The following RAB35 variants were observed in gnomAD, a reference collection of about 807,000 sequenced individuals.
RAB35 encodes ras-related protein Rab-35.
In RAB35, 4 loss-of-function variants were observed where a neutral mutation model predicts 28.9. The ratio of observed to expected loss-of-function variants is 0.14; its 90% CI spans 0.07 to 0.32. The LOEUF (loss-of-function observed/expected upper bound fraction) is 0.32, where lower values mean the gene tolerates loss of function less well. RAB35 is among the 10% of genes least tolerant of loss of function. The pLI, the probability that RAB35 is intolerant of heterozygous loss-of-function variation, is 1.00. For missense variants in RAB35, 128 were observed against 274.0 expected (o/e 0.47, Z 3.76); for synonymous variants, 99 against 105.1 (o/e 0.94, Z 0.35).
chr12:120,096,250 A>C lies in RAB35; in HGVS notation c.*995T>G, dbSNP rs565307845. 3.3e-5 allele frequency: 15 copies of C among 453,112 alleles called. No homozygotes were observed. The highest frequency in any genetic ancestry group is 4.1e-5 in the African/African-American group (2 of 48,564). 28.1% of individuals were successfully genotyped at this position (453,112 alleles called of 1,614,324 possible). A position where few individuals can be genotyped will look rare whatever the true frequency, so the allele number is the denominator to read the frequency against. On this transcript the variant is annotated 3_prime_UTR_variant, in exon 6 of 6. Coordinates refer to ENST00000229340, the MANE Select transcript of RAB35 (RefSeq NM_006861.7). The stretch of plus-strand genomic sequence containing the variant: ...TTCTCCGCTCCCACCAAGAAAGCCC[A>C]AGAGTCCAGCCCCACAATGGCAGGA...
At chr12:120,107,941 A>G (rs905493757) in intron 2 of RAB35, among the ~76,000 whole-genome samples, 16 of 151,760 alleles carry the variant, frequency 1.1e-4, no homozygotes, top group Non-Finnish European at 2.2e-4. Context: ...TGAAAACACA[A>G]CCAGAAGTCA....
rs1220419263 is a variant in RAB35 at position 120,096,644 on chromosome 12, C to T, written c.*601G>A. 7.8e-7 allele frequency: 1 copy of T among 1,289,766 alleles called. No homozygotes were observed. The allele number at this position is 1,289,766 out of a possible 1,614,324, so 79.9% of individuals were successfully genotyped here. On this transcript the variant is annotated 3_prime_UTR_variant, in exon 6 of 6. Coordinates refer to ENST00000229340, the MANE Select transcript of RAB35 (RefSeq NM_006861.7). Reference sequence around the variant, plus strand: ...GCCTTGAGACCAGGTTCCCCAGCTCCCAGAATGGCTGTGGGGACAGGACAA... The same window carrying T: ...GCCTTGAGACCAGGTTCCCCAGCTCTCAGAATGGCTGTGGGGACAGGACAA...
At chr12:120,107,534 G>C (rs1170807912) in intron 2 of RAB35, among the ~76,000 whole-genome samples, 3 of 152,218 alleles carry the variant, frequency 2.0e-5, no homozygotes, top group Admixed American at 2.0e-4. Context: ...CATACACCCT[G>C]TAAGCCAGTA....
chr12:120,099,983 C>A (rs1312770697), intron 3 of RAB35, among the ~76,000 whole-genome samples: 1 of 152,210 alleles, frequency 6.6e-6, no homozygotes, highest in Admixed American at 6.5e-5. Flanking sequence ...GTCCCTCTGT[C>A]CCCTCTCCCC....
intron 1 of RAB35, among the ~76,000 whole-genome samples, chr12:120,113,287 C>G (rs1238608473): frequency 6.6e-6 from 1 of 151,442 alleles, no homozygotes; most frequent in Non-Finnish European, 1.5e-5. Flanking sequence ...CCTCATCCTC[C>G]CAAAGCACTA....
Position 120,110,290 on chromosome 12 carries a change from A to ATTTTTTTTTTTTTTTTTTTTTTTTTT in RAB35, c.53-1824_53-1823insAAAAAAAAAAAAAAAAAAAAAAAAAA, listed in dbSNP as rs3999541. Among the ~76,000 whole-genome samples, 229 of 88,550 alleles carry ATTTTTTTTTTTTTTTTTTTTTTTTTT rather than the reference A, an allele frequency of 2.6e-3. 44 individuals carry two copies. Among genetic ancestry groups the ATTTTTTTTTTTTTTTTTTTTTTTTTT allele is most frequent in the African/African-American group, 6.3e-3 (126 of 20,044 alleles). 58.1% of individuals were successfully genotyped at this position (88,550 alleles called of 152,430 possible). A position where few individuals can be genotyped will look rare whatever the true frequency, so the allele number is the denominator to read the frequency against. ...TCTGTTCATGGGAGAAGCCCACAGC[A>ATTTTTTTTTTTTTTTTTTTTTTTTTT]TTTTTTTTTTTTTTGGAGAGATAGG... On this transcript the variant is annotated intron_variant, in intron 1 of 5. Transcript: ENST00000229340.
At chr12:120,105,570 G>T (rs1821219002) in intron 2 of RAB35, among the ~76,000 whole-genome samples, 1 of 152,150 alleles carries the variant, frequency 6.6e-6, no homozygotes, top group Non-Finnish European at 1.5e-5. Context: ...CATTTAGTGG[G>T]TGGAGGCCAG....
chr12:120,095,703 A>C lies in RAB35; in HGVS notation c.*1542T>G, dbSNP rs1875353340. 2 of 152,214 alleles carry C rather than the reference A, an allele frequency of 1.3e-5. No homozygotes were observed. 9.4% of individuals were successfully genotyped at this position (152,214 alleles called of 1,614,324 possible). A position where few individuals can be genotyped will look rare whatever the true frequency, so the allele number is the denominator to read the frequency against. Reference sequence around the variant, plus strand: ...CTCCAAAGTGAAGGCCTGTCCCAGAATCACCAGCTTTTGGCAGTTTGGGCA... The same window carrying C: ...CTCCAAAGTGAAGGCCTGTCCCAGACTCACCAGCTTTTGGCAGTTTGGGCA... On this transcript the variant is annotated 3_prime_UTR_variant, in exon 6 of 6. Coordinates refer to ENST00000229340, the MANE Select transcript of RAB35 (RefSeq NM_006861.7).
rs781060759 is a variant in RAB35 at position 120,097,052 on chromosome 12, C to T, written c.*193G>A. ...AGGAGGGGGCACCAGTAGGGAAGGGCGGGCTGGTCCAACACCTTCTTGGCA... is the reference window on the plus strand; with the variant it reads ...AGGAGGGGGCACCAGTAGGGAAGGGTGGGCTGGTCCAACACCTTCTTGGCA... On this transcript the variant is annotated 3_prime_UTR_variant, in exon 6 of 6. Transcript: ENST00000229340. 1.3e-5 allele frequency: 20 copies of T among 1,527,908 alleles called. No homozygotes were observed. The highest frequency in any genetic ancestry group is 3.6e-5 in the South Asian group (3 of 83,854). 94.6% of individuals were successfully genotyped at this position (1,527,908 alleles called of 1,614,324 possible).
At position 120,102,472 on chromosome 12, in the gene RAB35, C is replaced by T. The variant is rs549516046; in HGVS notation, c.227+1354G>A. Among the ~76,000 whole-genome samples the T allele has an allele frequency of 1.3e-5, 2 of 152,358 alleles. 1 individual carries two copies. The highest frequency in any genetic ancestry group is 4.1e-4 in the South Asian group (2 of 4,830). Reference sequence around the variant, plus strand: ...TCACAGGGCTCATCAACGGTCACCACACAGCACCACACCAGGGCGACCCCG... The same window carrying T: ...TCACAGGGCTCATCAACGGTCACCATACAGCACCACACCAGGGCGACCCCG... On this transcript the variant is annotated intron_variant, in intron 3 of 5. Transcript: ENST00000229340.
chr12:120,101,957 G>A (rs533555131), intron 3 of RAB35, among the ~76,000 whole-genome samples: 61 of 152,174 alleles, frequency 4.0e-4, no homozygotes, highest in South Asian at 3.3e-3. Flanking sequence ...AAGAGCCTCG[G>A]ACCCCCCAGG....
chr12:120,106,723 G>C (rs1309357082), intron 2 of RAB35, among the ~76,000 whole-genome samples: 1 of 151,614 alleles, frequency 6.6e-6, no homozygotes, highest in Non-Finnish European at 1.5e-5. Context: ...TGAGTAGCCG[G>C]GATTACAGGC....
At chr12:120,102,659 C>A (rs1035793783) in intron 3 of RAB35, among the ~76,000 whole-genome samples, 6 of 152,220 alleles carry the variant, frequency 3.9e-5, no homozygotes, top group Non-Finnish European at 7.3e-5. Context: ...CCCCCATACT[C>A]CCAGCCATCC....
rs571717963 is a variant in RAB35, at chr12:120,101,767, C to T, written c.227+2059G>A. On this transcript the variant is annotated intron_variant, in intron 3 of 5. Transcript: ENST00000229340. ...ACGGCAGCAGGGGCCCAGCCGCTGC[C>T]CACAGGCCGCCCCTTCCCAAGCCCC... Among the ~76,000 whole-genome samples the T allele has an allele frequency of 5.6e-5, 8 of 142,336 alleles. No homozygotes were observed. The East Asian group carries it at 1.5e-3, about 27-fold the overall frequency. The allele number at this position is 142,336 out of a possible 152,430, so 93.4% of individuals were successfully genotyped here.
At chr12:120,106,466 C>G (rs944548555) in intron 2 of RAB35, among the ~76,000 whole-genome samples, 62 of 152,238 alleles carry the variant, frequency 4.1e-4, no homozygotes, top group African/African-American at 1.4e-3. Flanking sequence ...TAAGGTCACA[C>G]AGAGCAGCCA....
Position 120,095,267 on chromosome 12 carries a change from C to T in RAB35, c.*1978G>A, listed in dbSNP as rs900409366. 2 of 151,474 alleles carry T rather than the reference C, an allele frequency of 1.3e-5. No homozygotes were observed. The highest frequency in any genetic ancestry group is 3.0e-5 in the Non-Finnish European group (2 of 67,752). 9.4% of individuals were successfully genotyped at this position (151,474 alleles called of 1,614,324 possible). ...CAGCCCTGAGTCCCCACCCCCACCC[C>T]ATAACCCCCATTCATGCGTGTAACA... On this transcript the variant is annotated 3_prime_UTR_variant, in exon 6 of 6. Transcript: ENST00000229340.
At chr12:120,109,606 A>G (rs1399457664) in intron 1 of RAB35, among the ~76,000 whole-genome samples, 1 of 150,638 alleles carries the variant, frequency 6.6e-6, no homozygotes, top group African/African-American at 2.4e-5. Flanking sequence ...CATCATGCCC[A>G]GCTAATTTTT....
chr12:120,115,389 C>T (rs2139065561), intron 1 of RAB35, among the ~76,000 whole-genome samples: 1 of 152,326 alleles, frequency 6.6e-6, no homozygotes, highest in Middle Eastern at 3.4e-3. Context: ...TGGCCTCTGC[C>T]TCCAATCATA....
chr12:120,107,866 CAAA>C (rs57274207), intron 2 of RAB35, among the ~76,000 whole-genome samples: 11 of 31,994 alleles, frequency 3.4e-4, no homozygotes, highest in African/African-American at 1.0e-3. Context: ...GACTCCATCT[CAAA>C]AAAAAAAAAA....
Sources: gnomAD v4.1 joint callset for allele counts (sites outside exome capture counted in the v4.1 genomes callset) on GRCh38, gnomAD v4.1.1 for gene constraint, MANE v1.5 for transcripts, NCBI Gene and HGNC (gene_info 2026-07-23, HGNC 2026-07-21) for gene names.